Variants in ARFGEF1 observed in about 807,000 individuals in gnomAD.
The protein encoded by ARFGEF1 is brefeldin A-inhibited guanine nucleotide-exchange protein 1.
In ARFGEF1, 42 loss-of-function variants were observed where a neutral mutation model predicts 231.0. The ratio of observed to expected loss-of-function variants is 0.18; its 90% CI spans 0.14 to 0.24. The LOEUF (loss-of-function observed/expected upper bound fraction) is 0.24. Among genes scored for constraint, ARFGEF1 ranks in the 10% least tolerant of loss-of-function variants. The pLI is 1.00. For synonymous variants in ARFGEF1, 710 were observed against 732.3 expected (o/e 0.97, Z 0.49); for missense variants, 1,345 against 2,192.0 (o/e 0.61, Z 7.72).
At chr8:67,236,364 AAATATATATAT>A (rs1180178054) in intron 22 of ARFGEF1, among the ~76,000 whole-genome samples, 42 of 36,744 alleles carry the variant, frequency 1.1e-3, no homozygotes, top group African/African-American at 1.8e-3. Context: ...AAAAAAAAAA[AAATATATATAT>A]ATATATATAT....
chr8:67,204,589 A>G (rs1235782843), intron 35 of ARFGEF1, 91 bp downstream of exon 35: 7 of 1,424,296 alleles, frequency 4.9e-6, no homozygotes, highest in Non-Finnish European at 6.6e-6. Flanking sequence ...AGGCCCCACA[A>G]ACTAATTCTC....
At chr8:67,331,768 A>G (rs1443455908) in intron 1 of ARFGEF1, among the ~76,000 whole-genome samples, 1 of 152,164 alleles carries the variant, frequency 6.6e-6, no homozygotes, top group Non-Finnish European at 1.5e-5. Flanking sequence ...TGAAGTGATA[A>G]AACACTGATC....
At chr8:67,343,093 A>AGGGCCCCCCCCCCCCC in intron 1 of ARFGEF1, 71 bp downstream of exon 1, 1 of 184,672 alleles carries the variant, frequency 5.4e-6, no homozygotes, top group South Asian at 7.6e-5. Flanking sequence ...GGGCGACCCC[A>AGGGCCCCCCCCCCCCC]CCCCCCCACA....
At chr8:67,313,731 T>C (rs901486289) in intron 1 of ARFGEF1, among the ~76,000 whole-genome samples, 3 of 152,178 alleles carry the variant, frequency 2.0e-5, no homozygotes, top group Non-Finnish European at 4.4e-5. Context: ...ATTTTTGTGC[T>C]GGTTGGCCTC....
intron 6 of ARFGEF1, among the ~76,000 whole-genome samples, chr8:67,291,293 T>C (rs1805997336): frequency 6.6e-6 from 1 of 152,076 alleles, no homozygotes. Flanking sequence ...CGTTTTCTTA[T>C]AATATACACT....
intron 5 of ARFGEF1, among the ~76,000 whole-genome samples, chr8:67,178,747 G>A (rs1248128517): frequency 6.6e-6 from 1 of 152,206 alleles, no homozygotes; most frequent in Non-Finnish European, 1.5e-5. Context: ...GTGCATGTAA[G>A]GAGCAGTGGG....
At chr8:67,267,517 G>C in intron 10 of ARFGEF1, 75 bp from the exon 11 acceptor site, 1 of 942,406 alleles carries the variant, frequency 1.1e-6, no homozygotes, top group Non-Finnish European at 1.6e-6. Context: ...AAACATCCCA[G>C]AGCTATAGAG....
chr8:67,307,329 C>A (rs10957384), intron 1 of ARFGEF1, among the ~76,000 whole-genome samples: 43,156 of 152,020 alleles, frequency 0.28, 6,259 homozygotes, highest in East Asian at 0.38. Context: ...TAGCTTTGAG[C>A]CAAGTCTGAA....
chr8:67,190,009 A>C (rs900845305), intron 5 of ARFGEF1, among the ~76,000 whole-genome samples: 1 of 152,214 alleles, frequency 6.6e-6, no homozygotes, highest in African/African-American at 2.4e-5. Context: ...TGTAAAATGT[A>C]AACAGGTTGG....
intron 1 of ARFGEF1, among the ~76,000 whole-genome samples, chr8:67,306,748 C>T (rs1040804390): frequency 2.0e-5 from 3 of 152,048 alleles, no homozygotes; most frequent in African/African-American, 2.4e-5. Flanking sequence ...GGAAAGCTCT[C>T]GAAAGCAAAT....
intron 36 of ARFGEF1, among the ~76,000 whole-genome samples, chr8:67,202,668 T>A (rs1838373624): frequency 6.6e-6 from 1 of 152,208 alleles, no homozygotes. Flanking sequence ...CACATCCCAA[T>A]AAATTCACCT....
chr8:67,327,837 C>T (rs576314329), intron 1 of ARFGEF1, among the ~76,000 whole-genome samples: 21 of 152,364 alleles, frequency 1.4e-4, no homozygotes, highest in African/African-American at 4.8e-4. Context: ...ATTTCAAGCA[C>T]ATCACTACAT....
intron 19 of ARFGEF1, among the ~76,000 whole-genome samples, chr8:67,241,403 A>G (rs796944181): frequency 7.9e-5 from 12 of 152,336 alleles, no homozygotes; most frequent in African/African-American, 2.9e-4. Context: ...TCTGTGGAGA[A>G]ACAGTGTATC....
intron 11 of ARFGEF1, 36 bp downstream of exon 11, chr8:67,267,307 T>G: frequency 1.3e-6 from 2 of 1,587,152 alleles, no homozygotes; most frequent in Non-Finnish European, 1.7e-6. Context: ...TATCTAATAA[T>G]AAGAAAGAGA....
At chr8:67,247,467 T>C (rs977838476) in intron 19 of ARFGEF1, among the ~76,000 whole-genome samples, 1 of 150,580 alleles carries the variant, frequency 6.6e-6, no homozygotes, top group Admixed American at 6.6e-5. Context: ...ATACACCATA[T>C]CAATAGAATG....
At chr8:67,203,335 GT>G in intron 35 of ARFGEF1, 84 bp from the exon 36 acceptor site, 1 of 1,473,222 alleles carries the variant, frequency 6.8e-7, no homozygotes, top group Non-Finnish European at 9.3e-7. Context: ...CCAAAGACCA[GT>G]TTTACAAGAA....
intron 1 of ARFGEF1, among the ~76,000 whole-genome samples, chr8:67,335,101 AT>A (rs1166810807): frequency 0.013 from 1,709 of 132,352 alleles, 9 homozygotes; most frequent in African/African-American, 0.038. Context: ...ATCACGGTAA[AT>A]TTTTTTTTTT....
rs374783624 is a variant in ARFGEF1, at chr8:67,177,840, C to T, written c.561-2268G>A. 1,200 of 788,918 alleles carry T rather than the reference C, an allele frequency of 1.5e-3. 3 individuals are homozygous for T. Among genetic ancestry groups the T allele is most frequent in the Middle Eastern group, 4.4e-3 (16 of 3,614 alleles). 48.9% of individuals were successfully genotyped at this position (788,918 alleles called of 1,614,324 possible). A position where few individuals can be genotyped will look rare whatever the true frequency, so the allele number is the denominator to read the frequency against. ...TTATTCAGGAATATTGAATTAAGAA[C>T]GTAAGTCTTATCAGTAAAGTGGATA... is the stretch of plus-strand genomic sequence containing the variant. On this transcript the variant is annotated intron_variant, in intron 5 of 5. Coordinates refer to the ARFGEF1 transcript ENST00000518789.
intron 1 of ARFGEF1, among the ~76,000 whole-genome samples, chr8:67,312,896 C>T (rs989625243): frequency 1.3e-5 from 2 of 151,846 alleles, no homozygotes; most frequent in South Asian, 2.1e-4. Flanking sequence ...AGTACAACCA[C>T]CAAAAATCAA....
Sources: allele counts gnomAD v4.1 joint callset (sites outside exome capture counted in the v4.1 genomes callset), GRCh38; gene constraint gnomAD v4.1.1; transcripts MANE v1.5; gene names NCBI Gene and HGNC (gene_info 2026-07-23, HGNC 2026-07-21).